The following RAP1GAP2 variants were observed in gnomAD, a reference collection of about 807,000 sequenced individuals.
RAP1GAP2 encodes the protein RAP1 GTPase activating protein 2, also known as rap1 GTPase-activating protein 2.
Under a neutral mutation model 95.0 loss-of-function variants are expected in RAP1GAP2, and 27 were observed. The observed-to-expected ratio is 0.28, with a 90% confidence interval of 0.21 to 0.39. The LOEUF (loss-of-function observed/expected upper bound fraction) is 0.39. RAP1GAP2 is among the 10% of genes least tolerant of loss of function. The pLI, the probability that RAP1GAP2 is intolerant of heterozygous loss-of-function variation, is 1.00. For missense variants in RAP1GAP2, 771 were observed against 970.0 expected (o/e 0.79, Z 2.72); for synonymous variants, 373 against 380.9 (o/e 0.98, Z 0.24).
intron 3 of RAP1GAP2, among the ~76,000 whole-genome samples, chr17:2,927,204 A>G (rs1433470020): frequency 2.0e-5 from 3 of 149,236 alleles, no homozygotes; most frequent in Non-Finnish European, 4.4e-5. Context: ...CCCAGGCTGG[A>G]GTGCAGTGGC....
At position 2,849,010 on chromosome 17, in the gene RAP1GAP2, A is replaced by G. The variant is rs143362729; in HGVS notation, c.80+48460A>G. Among the ~76,000 whole-genome samples, 410 of 152,208 alleles carry G rather than the reference A, an allele frequency of 2.7e-3. 1 individual carries two copies. The highest frequency in any genetic ancestry group is 9.3e-3 in the African/African-American group (388 of 41,516). ...GCCAAGAGTGGAGGTGTCTTAGCAC[A>G]GGTGTGAGCGTTCAGCTGTGTGCGA... On this transcript the variant is annotated intron_variant, in intron 2 of 24. Coordinates refer to ENST00000254695, the MANE Select transcript of RAP1GAP2 (RefSeq NM_015085.5).
At chr17:2,879,125 T>C (rs2073197435) in intron 2 of RAP1GAP2, among the ~76,000 whole-genome samples, 1 of 151,708 alleles carries the variant, frequency 6.6e-6, no homozygotes, top group South Asian at 2.1e-4. Context: ...TTCTTTTTTT[T>C]TTTTTTTGAG....
In RAP1GAP2 at chr17:2,796,868, G is replaced by A. The variant is rs985771865; in HGVS notation, c.44+297G>A. ...GTTGAATGTGTGTGTCTCTGTGTCC[G>A]CAGGTTCCCATGTATGTGTGTGCGT... On this transcript the variant is annotated intron_variant, in intron 1 of 24. Transcript: ENST00000254695. This position sits in a 1 kb window ranked among gnomAD's most constrained non-coding sequence, Gnocchi z 4.7. Among the ~76,000 whole-genome samples the A allele has an allele frequency of 6.6e-6, 1 of 151,952 alleles. No individual in the cohort carries two copies. Among genetic ancestry groups the A allele is most frequent in the African/African-American group, 2.4e-5 (1 of 41,286 alleles).
chr17:2,755,822 G>T, intron 1 of RAP1GAP2: 1 of 348,324 alleles, frequency 2.9e-6, no homozygotes. Flanking sequence ...CCCGAGGCCC[G>T]GCCGGCGCGG....
At position 2,797,515 on chromosome 17, in the gene RAP1GAP2, T is replaced by G; in HGVS notation, c.44+944T>G. On this transcript the variant is annotated intron_variant, in intron 1 of 24. Coordinates refer to ENST00000254695, the MANE Select transcript of RAP1GAP2 (RefSeq NM_015085.5). This position sits in a 1 kb window ranked among gnomAD's most constrained non-coding sequence, Gnocchi z 5.6. ...GAGGTGGCCGGGGGGTGTCCCGGTG[T>G]GGAAAATGGTGGACTAATGGGGGTG... is the stretch of plus-strand genomic sequence containing the variant. Among the ~76,000 whole-genome samples, 2 of 146,772 alleles carry G rather than the reference T, an allele frequency of 1.4e-5. No individual in the cohort carries two copies. Among genetic ancestry groups the G allele is most frequent in the Non-Finnish European group, 1.5e-5 (1 of 66,274 alleles).
intron 2 of RAP1GAP2, among the ~76,000 whole-genome samples, chr17:2,845,735 C>T (rs1354529844): frequency 6.6e-6 from 1 of 151,788 alleles, no homozygotes; most frequent in Non-Finnish European, 1.5e-5. Context: ...GTGGTAGGCG[C>T]CTGTAATCCC....
intron 17 of RAP1GAP2, among the ~76,000 whole-genome samples, chr17:3,015,326 G>A (rs1488586973): frequency 6.6e-6 from 1 of 152,112 alleles, no homozygotes; most frequent in African/African-American, 2.4e-5. Context: ...CATCTAGGGG[G>A]CTGTCCGGTT....
At chr17:2,889,863 G>GTATATATATATATA (rs748546441) in intron 2 of RAP1GAP2, among the ~76,000 whole-genome samples, 36 of 79,820 alleles carry the variant, frequency 4.5e-4, no homozygotes, top group Non-Finnish European at 5.8e-4. Context: ...TTATGTGTGT[G>GTATATATATATATA]TATATATATA....
intron 2 of RAP1GAP2, among the ~76,000 whole-genome samples, chr17:2,846,223 G>A (rs1298899651): frequency 6.6e-6 from 1 of 151,274 alleles, no homozygotes; most frequent in Non-Finnish European, 1.5e-5. Flanking sequence ...ATGGAATCCC[G>A]TTGAAGCATT....
rs193247081 is a variant in RAP1GAP2, at chr17:2,810,821, G to A, written c.80+10271G>A. ...TGGGATTACAGGCGTGAGCCACCGC[G>A]CCTGGCCAACAAAAGTCAAATTAGT... On this transcript the variant is annotated intron_variant, in intron 2 of 24. Transcript: ENST00000254695. 2.3e-3 allele frequency among the ~76,000 whole-genome samples: 346 copies of A among 152,114 alleles called. 2 individuals are homozygous for A. The highest frequency in any genetic ancestry group is 3.3e-3 in the Non-Finnish European group (224 of 68,010).
intron 3 of RAP1GAP2, among the ~76,000 whole-genome samples, chr17:2,930,719 GT>G (rs1184924189): frequency 2.0e-5 from 3 of 152,188 alleles, no homozygotes; most frequent in Non-Finnish European, 1.5e-5. Flanking sequence ...TGCCTCTTGT[GT>G]TACCTTTGTG....
rs1322735322 is a variant in RAP1GAP2, at chr17:3,036,773, G to A, written c.*3412G>A. On this transcript the variant is annotated 3_prime_UTR_variant, in exon 25 of 25. Coordinates refer to ENST00000254695, the MANE Select transcript of RAP1GAP2 (RefSeq NM_015085.5). The stretch of plus-strand genomic sequence containing the variant: ...ATTTCTCCCTGATTCTTAAACGAAG[G>A]TGGTTAATAGAAACTCAGGCTCCCG... 2 of 152,638 alleles carry A rather than the reference G, an allele frequency of 1.3e-5. No individual in the cohort carries two copies. Among genetic ancestry groups the A allele is most frequent in the Non-Finnish European group, 2.9e-5 (2 of 68,042 alleles). 9.5% of individuals were successfully genotyped at this position (152,638 alleles called of 1,614,324 possible).
intron 3 of RAP1GAP2, among the ~76,000 whole-genome samples, chr17:2,926,453 T>C (rs1459208177): frequency 6.6e-6 from 1 of 152,196 alleles, no homozygotes; most frequent in Non-Finnish European, 1.5e-5. Context: ...CACTGCACAC[T>C]GTGAATATGT....
chr17:2,897,854 C>T (rs920299417), intron 2 of RAP1GAP2, among the ~76,000 whole-genome samples: 3 of 151,970 alleles, frequency 2.0e-5, no homozygotes, highest in Non-Finnish European at 4.4e-5. Flanking sequence ...GGCTGCTGCT[C>T]TCTGCATCCG....
chr17:2,768,626 A>G (rs2068321661), intron 1 of RAP1GAP2, among the ~76,000 whole-genome samples: 1 of 143,452 alleles, frequency 7.0e-6, no homozygotes, highest in African/African-American at 2.6e-5. Flanking sequence ...TGGGATGCAG[A>G]GGTTGCAGTG....
At chr17:2,850,370 AAT>A (rs2071785218) in intron 2 of RAP1GAP2, among the ~76,000 whole-genome samples, 1 of 151,912 alleles carries the variant, frequency 6.6e-6, no homozygotes, top group Non-Finnish European at 1.5e-5. Context: ...GGCAGAACTT[AAT>A]AAATTTATGT....
intron 2 of RAP1GAP2, among the ~76,000 whole-genome samples, chr17:2,804,469 G>C (rs1451220080): frequency 6.6e-6 from 1 of 152,232 alleles, no homozygotes; most frequent in Non-Finnish European, 1.5e-5. Flanking sequence ...ATCTGGGTCT[G>C]TGTTTTGTGT....
rs1180000597 is a variant in RAP1GAP2 at position 3,003,628 on chromosome 17, A to G, written c.1201-1741A>G. ...CCACACCAAGCTCCTTCCTCCTTCC[A>G]GCCATGCAGGTCCCTTCCCCAGAGT... On this transcript the variant is annotated intron_variant, in intron 14 of 24. Coordinates refer to ENST00000254695, the MANE Select transcript of RAP1GAP2 (RefSeq NM_015085.5). The surrounding 1 kb of genome is among the most constrained non-coding windows in gnomAD (Gnocchi z 4.1). 6.6e-6 allele frequency among the ~76,000 whole-genome samples: 1 copy of G among 152,066 alleles called. No individual in the cohort carries two copies. Among genetic ancestry groups the G allele is most frequent in the Non-Finnish European group, 1.5e-5 (1 of 68,018 alleles).
At chr17:3,022,679 G>A (rs1455636498) in intron 19 of RAP1GAP2, among the ~76,000 whole-genome samples, 6 of 152,176 alleles carry the variant, frequency 3.9e-5, no homozygotes, top group Non-Finnish European at 7.3e-5. Flanking sequence ...CCATTCTGCA[G>A]ATTGGCTCTT....
Sources: allele counts gnomAD v4.1 joint callset (sites outside exome capture counted in the v4.1 genomes callset), GRCh38; gene constraint gnomAD v4.1.1; non-coding constraint Gnocchi (gnomAD v3.1); transcripts MANE v1.5; gene names NCBI Gene and HGNC (gene_info 2026-07-23, HGNC 2026-07-21).